SRGAP2C: variants seen among roughly 807,000 people sequenced by gnomAD.
The protein encoded by SRGAP2C is SLIT-ROBO Rho GTPase activating protein 2C.
In SRGAP2C, 15 loss-of-function variants were observed where a neutral mutation model predicts 25.1. The observed-to-expected ratio is 0.60, with a 90% confidence interval of 0.40 to 0.92. SRGAP2C has a LOEUF of 0.92. SRGAP2C is among the 40% of genes least tolerant of loss of function. The pLI is 0.00. For synonymous variants in SRGAP2C, 44 were observed against 96.6 expected (o/e 0.46, Z 3.19); for missense variants, 144 against 264.4 (o/e 0.54, Z 3.16).
intron 2 of SRGAP2C, among the ~76,000 whole-genome samples, chr1:121,224,221 G>A (rs1371561928): frequency 2.1e-5 from 2 of 94,852 alleles, no homozygotes; most frequent in African/African-American, 4.3e-5. Context: ...TATTTTGCAC[G>A]TCTCTGTAGA....
intron 8 of SRGAP2C, among the ~76,000 whole-genome samples, chr1:121,383,291 G>A (rs1176263976): frequency 3.4e-5 from 5 of 146,940 alleles, no homozygotes; most frequent in African/African-American, 1.2e-4. Flanking sequence ...TCAGGATGGT[G>A]AAAGGAAAGT....
At chr1:121,238,709 G>A (rs1273021572) in intron 2 of SRGAP2C, among the ~76,000 whole-genome samples, 3 of 151,382 alleles carry the variant, frequency 2.0e-5, no homozygotes, top group African/African-American at 7.3e-5. Flanking sequence ...AGACTCCTGG[G>A]CTGAAGTGAT....
intron 2 of SRGAP2C, among the ~76,000 whole-genome samples, chr1:121,272,831 T>G (rs2101550683): frequency 6.6e-6 from 1 of 151,920 alleles, no homozygotes; most frequent in African/African-American, 2.4e-5. Flanking sequence ...GGTCCCTCTT[T>G]GTGAAATGGG....
In SRGAP2C at chr1:121,392,066, G is replaced by T. The variant is rs6669375; in HGVS notation, c.*4211G>T. 2.0e-5 allele frequency: 3 copies of T among 149,462 alleles called. No homozygotes were observed. The highest frequency in any genetic ancestry group is 3.0e-5 in the Non-Finnish European group (2 of 67,014). The allele number at this position is 149,462 out of a possible 1,614,324, so 9.3% of individuals were successfully genotyped here. A position where few individuals can be genotyped will look rare whatever the true frequency, so the allele number is the denominator to read the frequency against. On this transcript the variant is annotated 3_prime_UTR_variant, in exon 10 of 10. Transcript: ENST00000367123. ...GATAAAAATTTAAAAATCACCAGAGGGATTTAAGAGTATATTTGCACACAC... is the reference window on the plus strand; with the variant it reads ...GATAAAAATTTAAAAATCACCAGAGTGATTTAAGAGTATATTTGCACACAC...
At chr1:121,222,578 A>C (rs1233510019) in intron 2 of SRGAP2C, among the ~76,000 whole-genome samples, 1 of 152,178 alleles carries the variant, frequency 6.6e-6, no homozygotes, top group Non-Finnish European at 1.5e-5. Context: ...ACGGTGCTGT[A>C]ATCATGCCTC....
chr1:121,309,639 G>A (rs1315051723), intron 3 of SRGAP2C, among the ~76,000 whole-genome samples: 2 of 146,022 alleles, frequency 1.4e-5, no homozygotes, highest in Admixed American at 1.4e-4. Context: ...TGATCTCATT[G>A]TTCAATTCCC....
At chr1:121,264,598 G>A (rs1425820430) in intron 2 of SRGAP2C, among the ~76,000 whole-genome samples, 8 of 146,530 alleles carry the variant, frequency 5.5e-5, no homozygotes, top group African/African-American at 1.3e-4. Flanking sequence ...GTTGCCTCTG[G>A]GCCTTTGAAC....
intron 3 of SRGAP2C, among the ~76,000 whole-genome samples, chr1:121,303,835 AC>A (rs1657754411): frequency 6.6e-6 from 1 of 151,712 alleles, no homozygotes; most frequent in African/African-American, 2.4e-5. Flanking sequence ...ACAGTGAGAA[AC>A]CTGGTTCCTA....
At position 121,315,659 on chromosome 1, in the gene SRGAP2C, C is replaced by T. The variant is rs1553340533; in HGVS notation, c.261-8819C>T. Among the ~76,000 whole-genome samples the T allele has an allele frequency of 8.3e-3, 1,203 of 144,402 alleles. 14 individuals carry two copies. The highest frequency in any genetic ancestry group is 0.026 in the South Asian group (118 of 4,514). The allele number at this position is 144,402 out of a possible 152,430, so 94.7% of individuals were successfully genotyped here. On this transcript the variant is annotated intron_variant, in intron 3 of 9. Transcript: ENST00000367123. ...TACAAATTTGGTCATTCAGTAGCCACCCAGAGAGTGAGCACAGATACACAC... is the reference window on the plus strand; with the variant it reads ...TACAAATTTGGTCATTCAGTAGCCATCCAGAGAGTGAGCACAGATACACAC...
rs1476712062 is a variant in SRGAP2C, at chr1:121,248,533, G to A, written c.68-36270G>A. Among the ~76,000 whole-genome samples, 6 of 146,100 alleles carry A rather than the reference G, an allele frequency of 4.1e-5. 1 individual carries two copies. The highest frequency in any genetic ancestry group is 2.2e-4 in the South Asian group (1 of 4,568). On this transcript the variant is annotated intron_variant, in intron 2 of 9. Transcript: ENST00000367123. The stretch of plus-strand genomic sequence containing the variant: ...GCAATCTTGGCTCACTGCAAGCTCC[G>A]CCTCCCGGGTTCACGCCATTCTCCT...
chr1:121,235,887 GT>G (rs1222600359), intron 2 of SRGAP2C, among the ~76,000 whole-genome samples: 4 of 65,146 alleles, frequency 6.1e-5, no homozygotes, highest in Non-Finnish European at 1.1e-4. Flanking sequence ...GTGACCAATA[GT>G]TTTTTTTCCT....
intron 2 of SRGAP2C, among the ~76,000 whole-genome samples, chr1:121,281,192 C>T (rs1336441812): frequency 2.6e-5 from 4 of 151,458 alleles, no homozygotes; most frequent in Admixed American, 6.6e-5. Context: ...ACATTTTTCC[C>T]TGGATAGAAC....
intron 2 of SRGAP2C, among the ~76,000 whole-genome samples, chr1:121,203,479 C>T (rs1349577354): frequency 6.2e-5 from 9 of 145,226 alleles, no homozygotes; most frequent in African/African-American, 2.3e-4. Flanking sequence ...GATAATTATG[C>T]ATTCACATGC....
intron 2 of SRGAP2C, among the ~76,000 whole-genome samples, chr1:121,239,233 ATATATATATATAC>A (rs1656054736): frequency 0.011 from 60 of 5,544 alleles, no homozygotes; most frequent in African/African-American, 0.026. Context: ...TATATACTAT[ATATATATATATAC>A]TATATATATA....
At chr1:121,303,442 A>G (rs1313056902) in intron 3 of SRGAP2C, among the ~76,000 whole-genome samples, 10 of 152,146 alleles carry the variant, frequency 6.6e-5, no homozygotes, top group East Asian at 3.9e-4. Context: ...TCGTTCTTTG[A>G]GCACTTCCTT....
intron 2 of SRGAP2C, among the ~76,000 whole-genome samples, chr1:121,239,250 A>AC (rs1464416925): frequency 2.0e-3 from 4 of 1,984 alleles, no homozygotes; most frequent in Non-Finnish European, 2.1e-3. Flanking sequence ...TATATACTAT[A>AC]TATATATATA....
chr1:121,255,385 T>C (rs1263208788), intron 2 of SRGAP2C, among the ~76,000 whole-genome samples: 3 of 151,862 alleles, frequency 2.0e-5, no homozygotes, highest in Non-Finnish European at 4.4e-5. Flanking sequence ...AGTGTAGACG[T>C]TGTGGGACCA....
At chr1:121,291,092 TCTA>T (rs1657482014) in intron 3 of SRGAP2C, among the ~76,000 whole-genome samples, 1 of 132,560 alleles carries the variant, frequency 7.5e-6, no homozygotes, top group South Asian at 2.3e-4. Context: ...TTTGGGGTAA[TCTA>T]CACACAAAGT....
At chr1:121,268,476 A>G (rs1349169989) in intron 2 of SRGAP2C, among the ~76,000 whole-genome samples, 8 of 151,124 alleles carry the variant, frequency 5.3e-5, no homozygotes, top group Non-Finnish European at 7.4e-5. Flanking sequence ...TGCAGTGTGG[A>G]GAGTAGACTG....
Sources: allele counts gnomAD v4.1 joint callset (sites outside exome capture counted in the v4.1 genomes callset), GRCh38; gene constraint gnomAD v4.1.1; transcripts MANE v1.5; gene names NCBI Gene and HGNC (gene_info 2026-07-23, HGNC 2026-07-21).